Variants in JAK2 observed in about 807,000 individuals in gnomAD.
JAK2 encodes Janus kinase 2, also known as tyrosine-protein kinase JAK2.
Under a neutral mutation model 139.3 loss-of-function variants are expected in JAK2, and 86 were observed. The observed-to-expected ratio is 0.62, with a 90% CI of 0.52 to 0.74. JAK2 has a LOEUF of 0.74. JAK2 is among the 30% of genes least tolerant of loss of function. The probability of loss-of-function intolerance (pLI) is 0.00; values close to 1 mark genes in which losing one functional copy is unlikely to be tolerated. For synonymous variants in JAK2, 490 were observed against 437.7 expected (o/e 1.12, Z -1.49); for missense variants, 1,421 against 1,360.3 (o/e 1.04, Z -0.70).
chr9:5,111,978 T>C, intron 22 of JAK2: 2 of 349,598 alleles, frequency 5.7e-6, no homozygotes, highest in Non-Finnish European at 1.1e-5. Context: ...CGCCGTGGGC[T>C]CCCCCCAGGG....
chr9:5,083,542 A>G lies in JAK2; in HGVS notation c.2571+1681A>G, dbSNP rs1819863752. ...TGTTTCTTTTATACAACTTAATCACAGTCTTCTGTTGTTTATTAGATCTTG... is the reference window on the plus strand; with the variant it reads ...TGTTTCTTTTATACAACTTAATCACGGTCTTCTGTTGTTTATTAGATCTTG... On this transcript the variant is annotated intron_variant, in intron 19 of 24. Transcript: ENST00000381652. 2.6e-5 allele frequency among the ~76,000 whole-genome samples: 4 copies of G among 152,184 alleles called. No individual in the cohort carries two copies. The South Asian group carries it at 8.3e-4, about 31-fold the overall frequency.
At chr9:5,097,988 C>G (rs1246007683) in intron 22 of JAK2, 1 of 152,200 alleles carries the variant, frequency 6.6e-6, no homozygotes, top group African/African-American at 2.4e-5. Flanking sequence ...TTCCGATTAT[C>G]CTGATGCATA....
At chr9:5,094,979 C>T (rs998313604) in intron 22 of JAK2, 1 of 152,130 alleles carries the variant, frequency 6.6e-6, no homozygotes, top group African/African-American at 2.4e-5. Context: ...GCATATATCT[C>T]AATGCCTTTC....
At chr9:5,042,124 CTTTTTTTTTTTT>C (rs71326152) in intron 4 of JAK2, among the ~76,000 whole-genome samples, 5,464 of 107,710 alleles carry the variant, frequency 0.051, 173 homozygotes, top group Middle Eastern at 0.091. Context: ...GCCAAAATTT[CTTTTTTTTTTTT>C]TTTTTTTTTT....
intron 6 of JAK2, among the ~76,000 whole-genome samples, chr9:5,053,873 G>A (rs1817585430): frequency 6.6e-6 from 1 of 151,886 alleles, no homozygotes; most frequent in Non-Finnish European, 1.5e-5. Context: ...GATAGGAGAT[G>A]GATGATTGGA....
rs142882931 is a variant in JAK2, at chr9:5,106,793, G to A, written c.3059+15882G>A. On this transcript the variant is annotated intron_variant, in intron 22 of 24. Transcript: ENST00000381652. Reference sequence around the variant, plus strand: ...AAACCATCATTCTCAGCAAACTAGCGCAAGGACAGAAAAGCAAACACTGCA... The same window carrying A: ...AAACCATCATTCTCAGCAAACTAGCACAAGGACAGAAAAGCAAACACTGCA... 4.7e-3 allele frequency among the ~76,000 whole-genome samples: 721 copies of A among 152,232 alleles called. 4 individuals are homozygous for A. Among genetic ancestry groups the A allele is most frequent in the Non-Finnish European group, 7.2e-3 (491 of 68,014 alleles).
chr9:5,088,658 C>T (rs1288425790), intron 19 of JAK2, among the ~76,000 whole-genome samples: 2 of 152,278 alleles, frequency 1.3e-5, no homozygotes, highest in East Asian at 1.9e-4. Context: ...ACATTTATTT[C>T]TTTGAATTCC....
chr9:5,030,863 T>A (rs1823099818), intron 4 of JAK2, among the ~76,000 whole-genome samples: 1 of 152,106 alleles, frequency 6.6e-6, no homozygotes, highest in South Asian at 2.1e-4. Context: ...ATATTTTTTA[T>A]ATAATTATTG....
intron 22 of JAK2, chr9:5,095,018 AGGAAATATGTCT>A (rs1299607368): frequency 6.6e-6 from 1 of 151,976 alleles, no homozygotes. Context: ...CCCCAAACAT[AGGAAATATGTCT>A]GACAAAAGAA....
At chr9:5,034,912 G>A (rs199574715) in intron 4 of JAK2, among the ~76,000 whole-genome samples, 3 of 151,934 alleles carry the variant, frequency 2.0e-5, no homozygotes, top group African/African-American at 7.3e-5. Flanking sequence ...GACATAGAGA[G>A]ACAAAAAACC....
In JAK2 at chr9:5,037,014, A is replaced by G. The variant is rs140063968; in HGVS notation, c.350+7108A>G. Among the ~76,000 whole-genome samples, 999 of 152,336 alleles carry G rather than the reference A, an allele frequency of 6.6e-3. 8 individuals are homozygous for G. Among genetic ancestry groups the G allele is most frequent in the African/African-American group, 0.022 (919 of 41,574 alleles). ...ATACAATGAACTCTAACAAATTTAC[A>G]AGAAAACAACAACCCCATCAAAAAG... On this transcript the variant is annotated intron_variant, in intron 4 of 24. Coordinates refer to ENST00000381652, the MANE Select transcript of JAK2 (RefSeq NM_004972.4).
At chr9:5,102,765 C>A (rs1418832936) in intron 22 of JAK2, among the ~76,000 whole-genome samples, 1 of 152,164 alleles carries the variant, frequency 6.6e-6, no homozygotes, top group Non-Finnish European at 1.5e-5. Context: ...AAAGACTTTT[C>A]AACCCAGAAT....
chr9:5,075,988 G>A (rs1340035610), intron 14 of JAK2, among the ~76,000 whole-genome samples: 1 of 152,094 alleles, frequency 6.6e-6, no homozygotes, highest in African/African-American at 2.4e-5. Flanking sequence ...TGACTTTGAG[G>A]GATATGGTAC....
intron 6 of JAK2, among the ~76,000 whole-genome samples, chr9:5,051,528 A>T (rs530644350): frequency 6.6e-6 from 1 of 152,298 alleles, no homozygotes; most frequent in African/African-American, 2.4e-5. Flanking sequence ...ATTTTTACAG[A>T]TGCTCTAGGG....
intron 19 of JAK2, chr9:5,086,241 G>A (rs1184396406): frequency 8.7e-6 from 5 of 578,028 alleles, no homozygotes; most frequent in South Asian, 5.5e-5. Flanking sequence ...TGAAAGTCGC[G>A]GTAGGATGGT....
rs149069202 is a variant in JAK2, at chr9:5,102,533, T to C, written c.3059+11622T>C. ...CAGGCCAACATTCAAATTCAGGAAA[T>C]ACAGAGAACTCCACAAAGATACTCC... On this transcript the variant is annotated intron_variant, in intron 22 of 24. Transcript: ENST00000381652. Among the ~76,000 whole-genome samples, 16 of 152,064 alleles carry C rather than the reference T, an allele frequency of 1.1e-4. No individual in the cohort carries two copies. The East Asian group carries it at 3.1e-3, about 30-fold the overall frequency.
chr9:5,090,580 A>G lies in JAK2; in HGVS notation c.2886+10A>G. Reference sequence around the variant, plus strand: ...ATCTCAGATATGCAAGGTAACTAATATCCTGATTATTTGCTGTAGATGAAG... The same window carrying G: ...ATCTCAGATATGCAAGGTAACTAATGTCCTGATTATTTGCTGTAGATGAAG... On this transcript the variant is annotated intron_variant, in intron 21 of 24. Coordinates refer to ENST00000381652, the MANE Select transcript of JAK2 (RefSeq NM_004972.4). The G allele has an allele frequency of 1.9e-6, 3 of 1,559,780 alleles. No homozygotes were observed. The highest frequency in any genetic ancestry group is 3.4e-4 in the Middle Eastern group (2 of 5,844).
At chr9:5,014,839 G>A (rs960908874) in intron 2 of JAK2, among the ~76,000 whole-genome samples, 5 of 151,848 alleles carry the variant, frequency 3.3e-5, no homozygotes, top group African/African-American at 1.2e-4. Flanking sequence ...CTACATATGT[G>A]TTTCTCCCTA....
rs1820035789 is a variant in JAK2 at position 5,085,694 on chromosome 9, G to A, written c.2571+3833G>A. 12 of 742,740 alleles carry A rather than the reference G, an allele frequency of 1.6e-5. No individual in the cohort carries two copies. The Admixed American group carries it at 2.0e-4, about 12-fold the overall frequency. 46.0% of individuals were successfully genotyped at this position (742,740 alleles called of 1,614,324 possible). A position where few individuals can be genotyped will look rare whatever the true frequency, so the allele number is the denominator to read the frequency against. On this transcript the variant is annotated intron_variant, in intron 19 of 24. Coordinates refer to ENST00000381652, the MANE Select transcript of JAK2 (RefSeq NM_004972.4). ...AACGTGCATTATCAATAACGTCATC[G>A]TGAACAAGACTAGCAGTGTGGATCA... is the stretch of plus-strand genomic sequence containing the variant.
Sources: allele counts gnomAD v4.1 joint callset (sites outside exome capture counted in the v4.1 genomes callset), GRCh38; gene constraint gnomAD v4.1.1; transcripts MANE v1.5; gene names NCBI Gene and HGNC (gene_info 2026-07-23, HGNC 2026-07-21).